The following FOXP2 variants were observed in gnomAD, a reference collection of about 807,000 sequenced individuals.
FOXP2 encodes the protein forkhead box protein P2.
In FOXP2, 12 loss-of-function variants were observed where a neutral mutation model predicts 115.8. The observed-to-expected ratio is 0.10, with a 90% CI of 0.07 to 0.17. The LOEUF (loss-of-function observed/expected upper bound fraction) is 0.17, where lower values mean the gene tolerates loss of function less well. FOXP2 is among the 10% of genes least tolerant of loss of function. The pLI, the probability that FOXP2 is intolerant of heterozygous loss-of-function variation, is 1.00. For synonymous variants in FOXP2, 328 were observed against 297.7 expected (o/e 1.10, Z -1.05); for missense variants, 629 against 843.5 (o/e 0.75, Z 3.15).
chr7:114,317,976 C>T (rs1207237181), intron 2 of FOXP2, among the ~76,000 whole-genome samples: 2 of 152,126 alleles, frequency 1.3e-5, no homozygotes, highest in African/African-American at 4.8e-5. Context: ...CCATCAGCTC[C>T]TTGAAGTTTT....
At chr7:114,399,544 T>G (rs1050314335) in intron 2 of FOXP2, among the ~76,000 whole-genome samples, 1 of 152,198 alleles carries the variant, frequency 6.6e-6, no homozygotes, top group Admixed American at 6.5e-5. Context: ...ACCTGTTACT[T>G]TTTCTGTGGT....
At chr7:114,352,147 G>A (rs1292121159) in intron 2 of FOXP2, among the ~76,000 whole-genome samples, 1 of 151,856 alleles carries the variant, frequency 6.6e-6, no homozygotes, top group Non-Finnish European at 1.5e-5. Context: ...CACACCTGTA[G>A]TCCCAGCTAC....
intron 2 of FOXP2, among the ~76,000 whole-genome samples, chr7:114,440,247 C>T (rs978876679): frequency 1.3e-5 from 2 of 152,138 alleles, no homozygotes; most frequent in Non-Finnish European, 2.9e-5. Flanking sequence ...AAAGACAGTA[C>T]ATTTCCATCA....
At chr7:114,672,143 A>C (rs1807522161) in intron 16 of FOXP2, among the ~76,000 whole-genome samples, 2 of 152,220 alleles carry the variant, frequency 1.3e-5, no homozygotes. Context: ...TCAGCAAGAC[A>C]CTTAAAAGGT....
chr7:114,249,942 T>C (rs1795395144), intron 1 of FOXP2, among the ~76,000 whole-genome samples: 3 of 126,610 alleles, frequency 2.4e-5, no homozygotes, highest in Non-Finnish European at 3.4e-5. Context: ...ATGCTATCCC[T>C]CCCCCCTCCC....
intron 2 of FOXP2, among the ~76,000 whole-genome samples, chr7:114,351,208 T>C (rs1791481283): frequency 6.6e-6 from 1 of 152,174 alleles, no homozygotes; most frequent in African/African-American, 2.4e-5. Context: ...ATTTGACCAA[T>C]ACAATAAACT....
intron 1 of FOXP2, among the ~76,000 whole-genome samples, chr7:114,275,846 A>G (rs1015898201): frequency 5.3e-5 from 8 of 152,164 alleles, no homozygotes; most frequent in Non-Finnish European, 7.4e-5. Flanking sequence ...AAAGCATTCT[A>G]TAGTTCTAGG....
chr7:114,684,782 T>G (rs1000086892), intron 16 of FOXP2, among the ~76,000 whole-genome samples: 1 of 152,178 alleles, frequency 6.6e-6, no homozygotes, highest in African/African-American at 2.4e-5. Context: ...GAATATGAAC[T>G]TTCACAAGTA....
chr7:114,450,280 C>T (rs1795014979), intron 2 of FOXP2, among the ~76,000 whole-genome samples: 1 of 151,922 alleles, frequency 6.6e-6, no homozygotes, highest in Non-Finnish European at 1.5e-5. Context: ...TATAAGATGC[C>T]TGATGTGGAG....
intron 3 of FOXP2, among the ~76,000 whole-genome samples, chr7:114,553,188 A>G (rs145064327): frequency 1.3e-5 from 2 of 152,172 alleles, no homozygotes; most frequent in African/African-American, 4.8e-5. Context: ...ATAGAGCTGG[A>G]GTTAGGATAC....
chr7:114,159,231 AG>A (rs1792759033), upstream of FOXP2, among the ~76,000 whole-genome samples: 1 of 152,124 alleles, frequency 6.6e-6, no homozygotes, highest in African/African-American at 2.4e-5. Context: ...TGCAAACCAA[AG>A]GAAGAGTTTT....
intron 14 of FOXP2, among the ~76,000 whole-genome samples, chr7:114,662,737 G>A (rs1202320110): frequency 1.3e-5 from 2 of 152,022 alleles, no homozygotes; most frequent in South Asian, 2.1e-4. Flanking sequence ...AGATGACCAA[G>A]GTATACTAGT....
chr7:114,416,110 A>C (rs1279831942), intron 1 of FOXP2, among the ~76,000 whole-genome samples: 1 of 151,986 alleles, frequency 6.6e-6, no homozygotes. Flanking sequence ...CCATTTCTGC[A>C]CTTTTCATTC....
At chr7:114,496,591 T>C (rs1045533560) in intron 2 of FOXP2, among the ~76,000 whole-genome samples, 17 of 152,160 alleles carry the variant, frequency 1.1e-4, no homozygotes, top group Admixed American at 1.1e-3. Flanking sequence ...ATAATAATCA[T>C]AAATTACTAG....
intron 3 of FOXP2, among the ~76,000 whole-genome samples, chr7:114,604,884 G>A (rs962339291): frequency 1.3e-5 from 2 of 152,006 alleles, no homozygotes; most frequent in Non-Finnish European, 2.9e-5. Flanking sequence ...CCTTGGATTT[G>A]GAATAATAAT....
chr7:114,215,304 A>G (rs1000210878), intron 1 of FOXP2, among the ~76,000 whole-genome samples: 2 of 152,158 alleles, frequency 1.3e-5, no homozygotes, highest in African/African-American at 4.8e-5. Flanking sequence ...TGTCACATCA[A>G]TCCCCATTTT....
At chr7:114,447,644 C>T (rs891746102) in intron 2 of FOXP2, among the ~76,000 whole-genome samples, 2 of 152,104 alleles carry the variant, frequency 1.3e-5, no homozygotes, top group African/African-American at 2.4e-5. Flanking sequence ...GCTCCCTAAC[C>T]CTCACTCTTC....
intron 2 of FOXP2, among the ~76,000 whole-genome samples, chr7:114,359,755 T>C (rs1214559693): frequency 2.0e-5 from 3 of 152,250 alleles, no homozygotes; most frequent in East Asian, 1.9e-4. Flanking sequence ...TTCTCCCATA[T>C]GGAATGTGTG....
intron 2 of FOXP2, among the ~76,000 whole-genome samples, chr7:114,302,175 A>G (rs1796893883): frequency 6.6e-6 from 1 of 152,124 alleles, no homozygotes; most frequent in Non-Finnish European, 1.5e-5. Context: ...ATCTTTGTTA[A>G]CTAATTCAAA....
Sources: allele counts gnomAD v4.1 joint callset (sites outside exome capture counted in the v4.1 genomes callset), GRCh38; gene constraint gnomAD v4.1.1; transcripts MANE v1.5; gene names NCBI Gene and HGNC (gene_info 2026-07-23, HGNC 2026-07-21).